The following ZPBP variants were observed in gnomAD, a reference collection of about 807,000 sequenced individuals.
The protein encoded by ZPBP is zona pellucida-binding protein 1.
ZPBP carries 26 observed loss-of-function variants against 44.8 expected under a neutral mutation model. The observed-to-expected ratio is 0.58, with a 90% CI of 0.43 to 0.81. The LOEUF is 0.81. Among genes scored for constraint, ZPBP ranks in the 30% least tolerant of loss-of-function variants. ZPBP has a pLI of 0.00. For missense variants in ZPBP, 409 were observed against 434.0 expected, an observed-to-expected ratio of 0.94 and a Z score of 0.51; for synonymous variants, 174 against 153.2, an observed-to-expected ratio of 1.14 and a Z score of -1.00.
At position 50,081,893 on chromosome 7, in the gene ZPBP, G is replaced by A. The variant is rs766035633; in HGVS notation, c.215C>T (p.Ala72Val). 34 of 1,610,282 alleles carry A rather than the reference G, an allele frequency of 2.1e-5. No individual in the cohort carries two copies. Among genetic ancestry groups the A allele is most frequent in the Middle Eastern group, 3.4e-4 (2 of 5,902 alleles). Residue 72 changes from alanine (A) to valine (V), a missense_variant, in exon 3 of 8, where the codon GCG (alanine) becomes GTG (valine). Ala to Val is a moderately conservative substitution (Grantham distance 64). Around this residue, in one of 2 missense-constraint regions of ZPBP, gnomAD observed 367 missense variants for 363.1 expected, o/e 1.01. Transcript: ENST00000046087. Reference protein sequence around the residue: ...IVGSTSFPVKAYVMLHQKSPH... With the variant: ...IVGSTSFPVKVYVMLHQKSPH... ...ACTCTTTTGATGGAGCATGACATAC[G>A]CTTTCACTGAAAATACAATATTTAA...
chr7:49,931,200 G>A (rs951097874), intron 1 of ZPBP, among the ~76,000 whole-genome samples: 1 of 152,172 alleles, frequency 6.6e-6, no homozygotes, highest in African/African-American at 2.4e-5. Flanking sequence ...TTAGCAGCAT[G>A]AGAACAGACT....
the ZPBP span, among the ~76,000 whole-genome samples, chr7:49,841,595 G>A: frequency 6.6e-6 from 1 of 152,184 alleles, no homozygotes; most frequent in Non-Finnish European, 1.5e-5. Flanking sequence ...TGCTTTGGAC[G>A]TGGAGCTTTT....
rs550808389 is a variant in ZPBP, at chr7:49,866,676, C to T, written n.510-16162G>A. ...ACATCTATCACAGGTGCCTCATTTG[C>T]AGGATTGTGGTGCATTACTAGAAAG... On this transcript the variant is annotated intron_variant and non_coding_transcript_variant, in intron 2 of 2. Transcript: ENST00000465922. Among the ~76,000 whole-genome samples the T allele has an allele frequency of 1.8e-4, 28 of 152,280 alleles. No homozygotes were observed. In the East Asian group the frequency reaches 1.9e-3, roughly 11 times the overall value.
chr7:49,873,310 T>C (rs928242582), intron 2 of ZPBP, among the ~76,000 whole-genome samples: 1 of 152,216 alleles, frequency 6.6e-6, no homozygotes, highest in Non-Finnish European at 1.5e-5. Context: ...GCCTGCTTCC[T>C]GGTTCATGGA....
chr7:50,071,341 G>A (rs1189609605), intron 3 of ZPBP, among the ~76,000 whole-genome samples: 4 of 152,118 alleles, frequency 2.6e-5, no homozygotes, highest in Non-Finnish European at 2.9e-5. Context: ...GAGAATCATC[G>A]ATCCCAGCAA....
intron 1 of ZPBP, among the ~76,000 whole-genome samples, chr7:49,906,349 T>G (rs1793088803): frequency 6.6e-6 from 1 of 152,180 alleles, no homozygotes; most frequent in Non-Finnish European, 1.5e-5. Context: ...TTCTCTTTTT[T>G]TTTGAGACAG....
chr7:50,024,942 T>C (rs1022724689), intron 5 of ZPBP, among the ~76,000 whole-genome samples: 4 of 151,960 alleles, frequency 2.6e-5, no homozygotes, highest in Non-Finnish European at 5.9e-5. Flanking sequence ...CATATATGTG[T>C]ATAAACATGT....
intron 6 of ZPBP, among the ~76,000 whole-genome samples, chr7:50,004,793 A>C (rs569802675): frequency 4.9e-4 from 74 of 152,166 alleles, no homozygotes; most frequent in African/African-American, 1.7e-3. Flanking sequence ...AATAGAACCT[A>C]AGCGATATGT....
At chr7:50,054,599 T>A (rs926531864) in intron 4 of ZPBP, among the ~76,000 whole-genome samples, 5 of 152,054 alleles carry the variant, frequency 3.3e-5, no homozygotes, top group African/African-American at 1.2e-4. Context: ...TTTAAAGGTT[T>A]TATATATATA....
chr7:49,981,614 ATAT>A (rs1796956067), intron 7 of ZPBP, among the ~76,000 whole-genome samples: 1 of 18,736 alleles, frequency 5.3e-5, no homozygotes, highest in Admixed American at 7.1e-4. Flanking sequence ...TTATATAATT[ATAT>A]TATATTATAT....
chr7:50,002,613 G>A (rs949485091), intron 6 of ZPBP, among the ~76,000 whole-genome samples: 5 of 152,154 alleles, frequency 3.3e-5, no homozygotes, highest in African/African-American at 1.2e-4. Context: ...TAAAGTATCT[G>A]AAGATCACAC....
chr7:50,022,863 G>C (rs988772429), intron 5 of ZPBP, among the ~76,000 whole-genome samples: 2 of 152,096 alleles, frequency 1.3e-5, no homozygotes, highest in African/African-American at 4.8e-5. Context: ...GGACTGCTAA[G>C]AAGTTCAGAG....
intron 1 of ZPBP, among the ~76,000 whole-genome samples, chr7:49,923,377 GATAAGAAAAGGAATTCTGAA>G (rs1794104961): frequency 6.6e-6 from 1 of 152,154 alleles, no homozygotes; most frequent in Non-Finnish European, 1.5e-5. Flanking sequence ...CTTATCTTTG[GATAAGAAAAGGAATTCTGAA>G]GGCAGTTAAA....
At chr7:49,846,795 T>G (rs544268895), downstream of ZPBP, among the ~76,000 whole-genome samples, 1 of 152,304 alleles carries the variant, frequency 6.6e-6, no homozygotes, top group South Asian at 2.1e-4. Flanking sequence ...TTTCCCTCCT[T>G]TATACATATG....
In ZPBP at chr7:49,990,167, T is replaced by A. The variant is rs1048647956; in HGVS notation, c.784-6648A>T. Among the ~76,000 whole-genome samples, 7 of 152,326 alleles carry A rather than the reference T, an allele frequency of 4.6e-5. 1 individual carries two copies. The South Asian group carries it at 1.0e-3, about 23-fold the overall frequency. ...GCACAGAACAGGTAAGCATGACTAA[T>A]TCCTGCTGATTAAGCCAAACCTCCT... On this transcript the variant is annotated intron_variant, in intron 6 of 7. Coordinates refer to ENST00000046087, the MANE Select transcript of ZPBP (RefSeq NM_007009.3).
intron 7 of ZPBP, among the ~76,000 whole-genome samples, chr7:49,968,741 T>G (rs1178523479): frequency 6.6e-6 from 1 of 152,098 alleles, no homozygotes; most frequent in African/African-American, 2.4e-5. Flanking sequence ...GCAATTACAC[T>G]CATAATATCA....
intron 4 of ZPBP, among the ~76,000 whole-genome samples, chr7:50,054,268 A>C (rs930115563): frequency 2.0e-5 from 3 of 152,202 alleles, no homozygotes; most frequent in African/African-American, 7.2e-5. Context: ...ATTACAAAAA[A>C]AAAATTGAAA....
At chr7:50,086,132 G>C (rs1416065255) in intron 2 of ZPBP, among the ~76,000 whole-genome samples, 1 of 152,092 alleles carries the variant, frequency 6.6e-6, no homozygotes, top group Admixed American at 6.5e-5. Flanking sequence ...GATTTCAGTG[G>C]TTATGGGATA....
chr7:49,928,029 T>A (rs563328890), intron 1 of ZPBP, among the ~76,000 whole-genome samples: 1 of 152,290 alleles, frequency 6.6e-6, no homozygotes, highest in East Asian at 1.9e-4. Flanking sequence ...TGGTCAGCGT[T>A]GCCATATTGG....
Sources: gnomAD v4.1 joint callset for allele counts (sites outside exome capture counted in the v4.1 genomes callset) on GRCh38, gnomAD v4.1.1 for gene constraint, gnomAD v4.1.1 regional missense constraint, MANE v1.5 for transcripts, NCBI Gene and HGNC (gene_info 2026-07-23, HGNC 2026-07-21) for gene names.